RXFP2: variants seen among roughly 807,000 people sequenced by gnomAD.
The protein encoded by RXFP2 is relaxin receptor 2.
In RXFP2, 68 loss-of-function variants were observed where a neutral mutation model predicts 88.6. The observed-to-expected ratio is 0.77, with a 90% CI of 0.63 to 0.94. The LOEUF (loss-of-function observed/expected upper bound fraction) is 0.94, where lower values mean the gene tolerates loss of function less well. RXFP2 is among the 40% of genes least tolerant of loss of function. The probability of loss-of-function intolerance (pLI) is 0.00; values close to 1 mark genes in which losing one functional copy is unlikely to be tolerated. For missense variants in RXFP2, 791 were observed against 893.9 expected (o/e 0.88, Z 1.47); for synonymous variants, 329 against 306.8 (o/e 1.07, Z -0.76).
At chr13:31,794,498 G>A (rs1164437558) in intron 16 of RXFP2, among the ~76,000 whole-genome samples, 1 of 151,924 alleles carries the variant, frequency 6.6e-6, no homozygotes, top group African/African-American at 2.4e-5. Context: ...AGAAACAACA[G>A]ATCCAGCCTC....
rs1223133846 is a variant in RXFP2, at chr13:31,769,441, C to T, written c.497+3414C>T. 2.6e-5 allele frequency among the ~76,000 whole-genome samples: 4 copies of T among 152,144 alleles called. No individual in the cohort carries two copies. In the East Asian group the frequency reaches 7.7e-4, roughly 29 times the overall value. ...CTCCACCACACCACTAATCTCTTCC[C>T]TAAGTATCCTCATTTCCTTAAATTC... On this transcript the variant is annotated intron_variant, in intron 5 of 17. Coordinates refer to ENST00000298386, the MANE Select transcript of RXFP2 (RefSeq NM_130806.5).
rs539417452 is a variant in RXFP2 at position 31,753,828 on chromosome 13, TG to T, written c.95-4428del. Among the ~76,000 whole-genome samples, 369 of 152,292 alleles carry T rather than the reference TG, an allele frequency of 2.4e-3. 1 individual carries two copies. Among genetic ancestry groups the T allele is most frequent in the African/African-American group, 7.6e-3 (314 of 41,552 alleles). On this transcript the variant is annotated intron_variant, in intron 1 of 17. Coordinates refer to ENST00000298386, the MANE Select transcript of RXFP2 (RefSeq NM_130806.5). Reference sequence around the variant, plus strand: ...AATTCCTTTTTTTTTTATTTCTAAATGGCTCATTAATTCACATGTTCACTTA... The same window carrying T: ...AATTCCTTTTTTTTTTATTTCTAAATGCTCATTAATTCACATGTTCACTTA...
At chr13:31,769,791 T>C (rs1872671975) in intron 5 of RXFP2, among the ~76,000 whole-genome samples, 1 of 152,228 alleles carries the variant, frequency 6.6e-6, no homozygotes, top group African/African-American at 2.4e-5. Flanking sequence ...GAGTTAGTCA[T>C]GGGTCCTTAA....
intron 1 of RXFP2, among the ~76,000 whole-genome samples, chr13:31,748,854 G>C (rs1198581330): frequency 2.0e-5 from 3 of 152,106 alleles, no homozygotes; most frequent in African/African-American, 7.2e-5. Flanking sequence ...AAAATTAGCT[G>C]GGCGTGGTGT....
rs112121434 is a variant in RXFP2 at position 31,771,791 on chromosome 13, T to TAAA, written c.498-2819_498-2817dup. 7.5e-4 allele frequency among the ~76,000 whole-genome samples: 108 copies of TAAA among 144,460 alleles called. No individual in the cohort carries two copies. The South Asian group carries it at 8.9e-3, about 12-fold the overall frequency. 94.8% of individuals were successfully genotyped at this position (144,460 alleles called of 152,430 possible). On this transcript the variant is annotated intron_variant, in intron 5 of 17. Transcript: ENST00000298386. ...TGGGCAATGGAGCGTAACTCTGTCT[T>TAAA]AAAAAAAAAAAAGAAAGAAAGAAAG...
intron 16 of RXFP2, among the ~76,000 whole-genome samples, chr13:31,796,038 C>CTTTTTTTTTTTTTTT (rs776535132): frequency 2.7e-5 from 1 of 36,966 alleles, no homozygotes; most frequent in Non-Finnish European, 4.8e-5. Context: ...ATGTGTTATT[C>CTTTTTTTTTTTTTTT]TTTTTTTTTT....
At position 31,791,821 on chromosome 13, in the gene RXFP2, T is replaced by C. The variant is rs1249601490; in HGVS notation, c.1161T>C (p.Phe387=). The change falls in exon 15 of 18, where the codon TTT becomes TTC. Residue 387 remains phenylalanine, a synonymous_variant. Coordinates refer to ENST00000298386, the MANE Select transcript of RXFP2 (RefSeq NM_130806.5). ...TTGACTTTAGTTATTTCAAAAACTT[T>C]CGATACTGCTCCTATGCTCCCCATG... ...KNLSHIYFKN[F]RYCSYAPHVR... is the part of the protein sequence containing the mutation. 2 of 1,613,940 alleles carry C rather than the reference T, an allele frequency of 1.2e-6. No individual in the cohort carries two copies. The highest frequency in any genetic ancestry group is 1.7e-6 in the Non-Finnish European group (2 of 1,179,910).
Position 31,802,301 on chromosome 13 carries a change from A to T in RXFP2, c.2161A>T (p.Ser721Cys), listed in dbSNP as rs772196722. 13 of 1,613,052 alleles carry T rather than the reference A, an allele frequency of 8.1e-6. No homozygotes were observed. In the South Asian group the frequency reaches 1.4e-4, roughly 18 times the overall value. The change falls in exon 18 of 18, where the codon AGT becomes TGT. Residue 721 changes from serine to cysteine, a missense_variant. Transcript: ENST00000298386. The part of the protein sequence containing the change: ...RKSIFKIKKK[S>C]LSTSIVWIED... The stretch of plus-strand genomic sequence containing the variant: ...ATCAATTTTCAAAATTAAAAAAAAA[A>T]GTTTATCTACATCCATTGTGTGGAT...
intron 16 of RXFP2, among the ~76,000 whole-genome samples, chr13:31,793,804 C>T (rs1873903715): frequency 6.6e-6 from 1 of 152,156 alleles, no homozygotes; most frequent in Non-Finnish European, 1.5e-5. Context: ...TTCTTCCCAT[C>T]CAAGGAGCCA....
chr13:31,790,196 T>C (rs1438921060), intron 14 of RXFP2, among the ~76,000 whole-genome samples: 2 of 152,198 alleles, frequency 1.3e-5, no homozygotes, highest in Non-Finnish European at 2.9e-5. Context: ...GTCCTTTATT[T>C]ATTGAAACAT....
In RXFP2 at chr13:31,761,722, AG is replaced by A. The variant is rs1566219825; in HGVS notation, c.242del. 1 of 1,601,080 alleles carries A rather than the reference AG, an allele frequency of 6.2e-7. No individual in the cohort carries two copies. Among genetic ancestry groups the A allele is most frequent in the Non-Finnish European group, 8.6e-7 (1 of 1,168,292 alleles). On this transcript the variant is annotated splice_acceptor_variant, in intron 2 of 17. Transcript: ENST00000298386. LOFTEE classifies it high-confidence loss of function. ...TGACACATCTCAATCACTATTTCAC[AG>A]GTGACACTAGTGGATGGGCGACCAT...
chr13:31,765,249 T>C (rs1872498892), intron 4 of RXFP2, 107 bp downstream of exon 4: 1 of 710,040 alleles, frequency 1.4e-6, no homozygotes, highest in South Asian at 1.5e-5. Context: ...AGAAACCCTG[T>C]TTAAAACTAC....
chr13:31,794,399 CA>C (rs1566237261), intron 16 of RXFP2, among the ~76,000 whole-genome samples: 3 of 150,574 alleles, frequency 2.0e-5, no homozygotes, highest in Non-Finnish European at 4.4e-5. Flanking sequence ...CACACACACA[CA>C]CACACACACC....
intron 17 of RXFP2, among the ~76,000 whole-genome samples, chr13:31,799,314 C>A (rs1593475312): frequency 6.6e-6 from 1 of 151,980 alleles, no homozygotes; most frequent in Admixed American, 6.6e-5. Flanking sequence ...CTGGTTCAAG[C>A]GATTCTCATG....
intron 1 of RXFP2, among the ~76,000 whole-genome samples, chr13:31,740,303 C>A (rs776865788): frequency 6.6e-6 from 1 of 151,932 alleles, no homozygotes; most frequent in South Asian, 2.1e-4. Context: ...CAAGTCAGTA[C>A]CATTTTCATT....
chr13:31,756,335 G>A (rs921932391), intron 1 of RXFP2, among the ~76,000 whole-genome samples: 1 of 152,104 alleles, frequency 6.6e-6, no homozygotes, highest in Non-Finnish European at 1.5e-5. Flanking sequence ...GGATATTAAC[G>A]CCAAACATAC....
At chr13:31,771,800 AAAAG>A (rs1237981946) in intron 5 of RXFP2, among the ~76,000 whole-genome samples, 3 of 151,730 alleles carry the variant, frequency 2.0e-5, no homozygotes, top group African/African-American at 4.8e-5. Flanking sequence ...TTAAAAAAAA[AAAAG>A]AAAGAAAGAA....
chr13:31,796,925 A>G (rs948830139), intron 16 of RXFP2, among the ~76,000 whole-genome samples: 3 of 152,232 alleles, frequency 2.0e-5, no homozygotes, highest in African/African-American at 7.2e-5. Flanking sequence ...CAATGTATGC[A>G]AACTTTGTTT....
intron 1 of RXFP2, among the ~76,000 whole-genome samples, chr13:31,755,069 G>A (rs1283138683): frequency 6.6e-6 from 1 of 152,164 alleles, no homozygotes; most frequent in African/African-American, 2.4e-5. Flanking sequence ...ACCCACAAGG[G>A]AGATGCTCTC....
Sources: gnomAD v4.1 joint callset for allele counts (sites outside exome capture counted in the v4.1 genomes callset) on GRCh38, gnomAD v4.1.1 for gene constraint, MANE v1.5 for transcripts, NCBI Gene and HGNC (gene_info 2026-07-23, HGNC 2026-07-21) for gene names.